Variants in AZI2 observed in about 807,000 individuals in gnomAD.
AZI2 encodes 5-azacytidine induced 2.
AZI2 carries 22 observed loss-of-function variants against 45.8 expected under a neutral mutation model. The ratio of observed to expected loss-of-function variants is 0.48; its 90% CI spans 0.34 to 0.69. The LOEUF (loss-of-function observed/expected upper bound fraction) is 0.69. Among genes scored for constraint, AZI2 ranks in the 30% least tolerant of loss-of-function variants. The pLI is 0.01. For synonymous variants in AZI2, 137 were observed against 156.7 expected, an observed-to-expected ratio of 0.87 and a Z score of 0.94; for missense variants, 417 against 441.5, an observed-to-expected ratio of 0.94 and a Z score of 0.50.
intron 6 of AZI2, among the ~76,000 whole-genome samples, chr3:28,329,566 A>G (rs1269220927): frequency 6.6e-6 from 1 of 151,274 alleles, no homozygotes; most frequent in Admixed American, 6.6e-5. Context: ...GACACTATAT[A>G]TGGAACTCTT....
chr3:28,324,004 T>C lies in AZI2; in HGVS notation c.*38A>G, dbSNP rs1703281956. ...TTCTTGGGAGGACCACTGAAAGAGATAAGTGTCCTCATGGTGAAATCGTGA... is the reference window on the plus strand; with the variant it reads ...TTCTTGGGAGGACCACTGAAAGAGACAAGTGTCCTCATGGTGAAATCGTGA... On this transcript the variant is annotated 3_prime_UTR_variant, in exon 8 of 8. Coordinates refer to ENST00000479665, the MANE Select transcript of AZI2 (RefSeq NM_022461.5). The C allele has an allele frequency of 7.1e-6, 11 of 1,549,992 alleles. No homozygotes were observed. In the East Asian group the frequency reaches 2.3e-4, roughly 32 times the overall value.
chr3:28,336,516 C>T (rs963961799), intron 5 of AZI2, among the ~76,000 whole-genome samples: 2 of 151,884 alleles, frequency 1.3e-5, no homozygotes, highest in African/African-American at 4.8e-5. Context: ...TTTTAAAAAA[C>T]AAAATTGTAT....
At position 28,331,965 on chromosome 3, in the gene AZI2, A is replaced by G. The variant is rs1258103323; in HGVS notation, c.647+404T>C. 9.6e-6 allele frequency: 14 copies of G among 1,462,830 alleles called. No individual in the cohort carries two copies. In the African/African-American group the frequency reaches 9.9e-5, roughly 10 times the overall value. The allele number at this position is 1,462,830 out of a possible 1,614,324, so 90.6% of individuals were successfully genotyped here. On this transcript the variant is annotated intron_variant, in intron 6 of 7. Transcript: ENST00000479665. ...CTACAGATACTCTGTCTCAAAAAAC[A>G]AAAAACAAAAAAAAATAAATTTCAT...
rs184639603 is a variant in AZI2, at chr3:28,326,387, C to T, written c.766+445G>A. On this transcript the variant is annotated intron_variant, in intron 7 of 7. Coordinates refer to ENST00000479665, the MANE Select transcript of AZI2 (RefSeq NM_022461.5). Reference sequence around the variant, plus strand: ...GAAAAGCTTATAAGAAATGCAAAAACCCAAATAATGAATCAAAGTTTGTTT... The same window carrying T: ...GAAAAGCTTATAAGAAATGCAAAAATCCAAATAATGAATCAAAGTTTGTTT... 7 of 159,232 alleles carry T rather than the reference C, an allele frequency of 4.4e-5. No homozygotes were observed. The Admixed American group carries it at 4.5e-4, about 10-fold the overall frequency. 9.9% of individuals were successfully genotyped at this position (159,232 alleles called of 1,614,324 possible).
intron 5 of AZI2, among the ~76,000 whole-genome samples, chr3:28,332,954 T>C (rs115778052): frequency 0.015 from 2,225 of 151,906 alleles, 54 homozygotes; most frequent in African/African-American, 0.05. Context: ...CATAAAGTCC[T>C]TATATGCTTT....
At position 28,340,473 on chromosome 3, in the gene AZI2, TG is replaced by T. The variant is rs1264116092; in HGVS notation, c.144del (p.Lys50AsnfsTer13). On this transcript the variant is annotated frameshift_variant, in exon 2 of 8. Coordinates refer to ENST00000479665, the MANE Select transcript of AZI2 (RefSeq NM_022461.5). LOFTEE classifies it high-confidence loss of function. ...TTCTCTGAATCCTTAAGTCGTTTTT[TG>T]ATGTCTTCATATGCAGTGACAAGAG... ...HFALVTAYED[I>X]KKRLKDSEKE... 6.2e-7 allele frequency: 1 copy of T among 1,613,074 alleles called. No homozygotes were observed. The highest frequency in any genetic ancestry group is 1.7e-5 in the Admixed American group (1 of 59,948).
intron 6 of AZI2, chr3:28,331,949 C>A (rs1172625616): frequency 1.3e-6 from 2 of 1,527,686 alleles, no homozygotes; most frequent in African/African-American, 2.8e-5. Context: ...GCTACAGATA[C>A]TCTGTCTCAA....
chr3:28,325,518 C>G (rs1168270955), intron 7 of AZI2, among the ~76,000 whole-genome samples: 1 of 150,922 alleles, frequency 6.6e-6, no homozygotes, highest in Non-Finnish European at 1.5e-5. Context: ...GCAATGAGTT[C>G]TGTGTAAGGA....
At chr3:28,327,056 G>T in intron 6 of AZI2, 106 bp from the exon 7 acceptor site, 1 of 751,586 alleles carries the variant, frequency 1.3e-6, no homozygotes, top group Non-Finnish European at 2.1e-6. Context: ...AATTAGTTTT[G>T]AGATGATGTA....
chr3:28,337,933 A>T lies in AZI2; in HGVS notation c.439+4T>A. The T allele has an allele frequency of 2.0e-6, 3 of 1,519,506 alleles. No homozygotes were observed. Among genetic ancestry groups the T allele is most frequent in the Non-Finnish European group, 1.8e-6 (2 of 1,120,712 alleles). 94.1% of individuals were successfully genotyped at this position (1,519,506 alleles called of 1,614,324 possible). A position where few individuals can be genotyped will look rare whatever the true frequency, so the allele number is the denominator to read the frequency against. On this transcript the variant is annotated splice_donor_region_variant and intron_variant, in intron 4 of 7. Transcript: ENST00000479665. ...AGAATATTTATAACAAGTAACTGGC[A>T]TACCCTGCTGAGTTTCCACCTCTGT...
chr3:28,345,903 T>C (rs1389268188), intron 1 of AZI2, among the ~76,000 whole-genome samples: 1 of 152,108 alleles, frequency 6.6e-6, no homozygotes, highest in Non-Finnish European at 1.5e-5. Context: ...ATTTTCATAT[T>C]TCATCATCTT....
intron 6 of AZI2, among the ~76,000 whole-genome samples, chr3:28,329,779 A>T (rs1051393687): frequency 9.3e-5 from 14 of 151,214 alleles, no homozygotes; most frequent in African/African-American, 3.1e-4. Context: ...GGTTCCCCCC[A>T]AACAAGTGGC....
rs536964897 is a variant in AZI2, at chr3:28,342,250, A to G, written c.-5-1628T>C. Among the ~76,000 whole-genome samples the G allele has an allele frequency of 3.8e-3, 583 of 152,184 alleles. 1 individual carries two copies. Among genetic ancestry groups the G allele is most frequent in the Middle Eastern group, 0.01 (3 of 294 alleles). ...TCTAGAATTATAAGAAAGGCAGGTT[A>G]AAATAAATGTGTATACTACAAGTCT... is the stretch of plus-strand genomic sequence containing the variant. On this transcript the variant is annotated intron_variant, in intron 1 of 7. Coordinates refer to ENST00000479665, the MANE Select transcript of AZI2 (RefSeq NM_022461.5).
chr3:28,337,862 A>G, intron 4 of AZI2, 75 bp downstream of exon 4: 1 of 949,876 alleles, frequency 1.1e-6, no homozygotes, highest in Non-Finnish European at 1.5e-6. Flanking sequence ...TGGATACAGA[A>G]AACTGTTGAT....
At position 28,326,895 on chromosome 3, in the gene AZI2, G is replaced by A; in HGVS notation, c.703C>T (p.Leu235=). The A allele has an allele frequency of 6.2e-7, 1 of 1,608,412 alleles. No individual in the cohort carries two copies. The highest frequency in any genetic ancestry group is 1.7e-4 in the Middle Eastern group (1 of 6,018). The change falls in exon 7 of 8, where the codon CTG becomes TTG. Residue 235 remains leucine (L), a synonymous_variant. Coordinates refer to ENST00000479665, the MANE Select transcript of AZI2 (RefSeq NM_022461.5). The part of the protein sequence containing the change: ...ELKREMSNLH[L]VTQVQAELLR... ...AGTTCAGCTTGTACTTGAGTCACCA[G>A]ATGTAAATTAGACATTTCTCTCTTC...
chr3:28,340,905 T>C (rs1214285264), intron 1 of AZI2, among the ~76,000 whole-genome samples: 1 of 152,040 alleles, frequency 6.6e-6, no homozygotes, highest in Non-Finnish European at 1.5e-5. Flanking sequence ...ACCATAATTA[T>C]TAGTATGTTC....
Position 28,321,403 on chromosome 3 carries a change from TC to T in AZI2, c.*2638del, listed in dbSNP as rs1269992418. On this transcript the variant is annotated 3_prime_UTR_variant, in exon 8 of 8. Coordinates refer to ENST00000479665, the MANE Select transcript of AZI2 (RefSeq NM_022461.5). Reference sequence around the variant, plus strand: ...AAATTCACTTATGTACATGTTGCTTTCCCCATAGAAGCCAGATTAGATTACA... The same window carrying T: ...AAATTCACTTATGTACATGTTGCTTTCCCATAGAAGCCAGATTAGATTACA... 5 of 151,414 alleles carry T rather than the reference TC, an allele frequency of 3.3e-5. No homozygotes were observed. Among genetic ancestry groups the T allele is most frequent in the Admixed American group, 2.6e-4 (4 of 15,132 alleles). 9.4% of individuals were successfully genotyped at this position (151,414 alleles called of 1,614,324 possible). A position where few individuals can be genotyped will look rare whatever the true frequency, so the allele number is the denominator to read the frequency against.
intron 4 of AZI2, 139 bp downstream of exon 4, chr3:28,337,798 C>A: frequency 2.1e-6 from 1 of 469,364 alleles, no homozygotes; most frequent in Non-Finnish European, 3.6e-6. Flanking sequence ...GAAGGTAGAA[C>A]AGAGAAATTA....
chr3:28,329,890 A>T (rs766691811), intron 6 of AZI2, among the ~76,000 whole-genome samples: 3 of 151,194 alleles, frequency 2.0e-5, no homozygotes, highest in African/African-American at 7.3e-5. Context: ...TGTGTAATGC[A>T]CTCTGGTATT....
Sources: allele counts gnomAD v4.1 joint callset (sites outside exome capture counted in the v4.1 genomes callset), GRCh38; gene constraint gnomAD v4.1.1; transcripts MANE v1.5; gene names NCBI Gene and HGNC (gene_info 2026-07-23, HGNC 2026-07-21).